Variants in NRXN1 observed in about 807,000 individuals in gnomAD.
NRXN1 encodes the protein neurexin-1.
Under a neutral mutation model 150.9 loss-of-function variants are expected in NRXN1, and 39 were observed. That is an observed-to-expected ratio of 0.26 (90% confidence interval 0.20 to 0.34). The LOEUF (loss-of-function observed/expected upper bound fraction) is 0.34. Ranked by LOEUF, NRXN1 falls within the 10% of genes least tolerant of loss-of-function variation. The pLI is 1.00. For missense variants in NRXN1, 1,815 were observed against 1,949.9 expected (o/e 0.93, Z 1.30); for synonymous variants, 924 against 757.0 (o/e 1.22, Z -3.62).
In NRXN1 at chr2:50,734,927, A is replaced by C. The variant is rs1698538606; in HGVS notation, c.833-111312T>G. On this transcript the variant is annotated intron_variant, in intron 5 of 22. Transcript: ENST00000401669. ...ACGAACAACAAGTAGTTGAAAGACCAGCCTTTTAATATGCACCAAGACCAA... is the reference window on the plus strand; with the variant it reads ...ACGAACAACAAGTAGTTGAAAGACCCGCCTTTTAATATGCACCAAGACCAA... 3.3e-5 allele frequency among the ~76,000 whole-genome samples: 5 copies of C among 152,204 alleles called. No homozygotes were observed. The South Asian group carries it at 1.0e-3, about 31-fold the overall frequency.
chr2:50,988,254 C>A lies in NRXN1; in HGVS notation c.772+39248G>T, dbSNP rs113344168. 1.8e-3 allele frequency among the ~76,000 whole-genome samples: 267 copies of A among 151,988 alleles called. 3 individuals carry two copies. The highest frequency in any genetic ancestry group is 6.2e-3 in the African/African-American group (259 of 41,540). On this transcript the variant is annotated intron_variant, in intron 2 of 22. Transcript: ENST00000401669. ...CCTGTGGCATAAACCAGATCATTTTCTTTTTAAGGTCTTAGTCATTATTTA... is the reference window on the plus strand; with the variant it reads ...CCTGTGGCATAAACCAGATCATTTTATTTTTAAGGTCTTAGTCATTATTTA...
At chr2:50,906,972 T>G (rs1436045094) in intron 5 of NRXN1, among the ~76,000 whole-genome samples, 1 of 151,866 alleles carries the variant, frequency 6.6e-6, no homozygotes, top group Admixed American at 6.6e-5. Context: ...CCTGCCCTCC[T>G]CTCTCACACC....
In NRXN1 at chr2:50,944,552, A is replaced by C. The variant is rs188161994; in HGVS notation, c.773-18597T>G. Among the ~76,000 whole-genome samples, 42 of 152,330 alleles carry C rather than the reference A, an allele frequency of 2.8e-4. 1 individual carries two copies. The highest frequency in any genetic ancestry group is 9.9e-4 in the African/African-American group (41 of 41,596). ...CATTTTGTATAAGAAAACAGGATAA[A>C]AATAACTTAAATGAAACCAAACTTT... On this transcript the variant is annotated intron_variant, in intron 2 of 22. Transcript: ENST00000401669.
At chr2:50,593,793 AG>A (rs936006543) in intron 8 of NRXN1, among the ~76,000 whole-genome samples, 11 of 152,222 alleles carry the variant, frequency 7.2e-5, no homozygotes, top group Non-Finnish European at 1.2e-4. Flanking sequence ...CAACATATCT[AG>A]GCTGTTAAAA....
chr2:50,431,714 T>C (rs1223194025), intron 17 of NRXN1, among the ~76,000 whole-genome samples: 7 of 152,206 alleles, frequency 4.6e-5, no homozygotes, highest in Admixed American at 1.3e-4. Flanking sequence ...GCTTTCACAC[T>C]ACAATCACAG....
intron 8 of NRXN1, chr2:50,589,260 C>A (rs1573674855): frequency 6.6e-6 from 1 of 152,290 alleles, no homozygotes; most frequent in South Asian, 2.1e-4. Flanking sequence ...TGAGATATGG[C>A]AGGGGGTTTA....
intron 18 of NRXN1, among the ~76,000 whole-genome samples, chr2:50,146,156 G>A: frequency 6.6e-6 from 1 of 151,714 alleles, no homozygotes; most frequent in African/African-American, 2.4e-5. Flanking sequence ...TAATTACCAT[G>A]ATTCATTCAA....
intron 21 of NRXN1, among the ~76,000 whole-genome samples, chr2:49,951,636 C>G (rs1455564406): frequency 6.6e-6 from 1 of 151,902 alleles, no homozygotes; most frequent in African/African-American, 2.4e-5. Context: ...TGGCCATTTC[C>G]AAATTAAATA....
chr2:50,453,600 G>A (rs550804366), intron 17 of NRXN1, among the ~76,000 whole-genome samples: 1 of 152,236 alleles, frequency 6.6e-6, no homozygotes, highest in Non-Finnish European at 1.5e-5. Context: ...TAAGTCTCTT[G>A]TTCTTGGTAC....
In NRXN1 at chr2:51,006,940, G is replaced by A. The variant is rs577681338; in HGVS notation, c.772+20562C>T. 8.6e-5 allele frequency among the ~76,000 whole-genome samples: 13 copies of A among 151,830 alleles called. No individual in the cohort carries two copies. In the South Asian group the frequency reaches 1.9e-3, roughly 22 times the overall value. ...TCATTACTGTTCATCACTCTGTATC[G>A]TGGCTGACCTTCTAAATGTCTATAT... On this transcript the variant is annotated intron_variant, in intron 2 of 22. Transcript: ENST00000401669.
intron 17 of NRXN1, among the ~76,000 whole-genome samples, chr2:50,401,983 G>A (rs1053105085): frequency 6.6e-6 from 1 of 152,084 alleles, no homozygotes; most frequent in Non-Finnish European, 1.5e-5. Flanking sequence ...AAAAATCCCA[G>A]TAGAGTGAAC....
At chr2:50,211,830 C>T (rs1442358030) in intron 18 of NRXN1, among the ~76,000 whole-genome samples, 1 of 137,334 alleles carries the variant, frequency 7.3e-6, no homozygotes, top group Non-Finnish European at 1.7e-5. Flanking sequence ...ATAATTTTGC[C>T]TCATCAAGAA....
intron 12 of NRXN1, among the ~76,000 whole-genome samples, chr2:50,516,773 C>T (rs2092643891): frequency 1.3e-5 from 2 of 151,608 alleles, no homozygotes; most frequent in South Asian, 4.2e-4. Flanking sequence ...TTTTAATAAG[C>T]AAAGAGATAG....
chr2:50,389,619 C>G (rs746306345), intron 17 of NRXN1, among the ~76,000 whole-genome samples: 3 of 151,952 alleles, frequency 2.0e-5, no homozygotes, highest in Non-Finnish European at 4.4e-5. Context: ...TTTCAGTTCC[C>G]AAACTACATT....
chr2:50,891,415 A>G (rs1681047531), intron 5 of NRXN1, among the ~76,000 whole-genome samples: 2 of 152,034 alleles, frequency 1.3e-5, no homozygotes, highest in Non-Finnish European at 2.9e-5. Context: ...TTTTCACTTT[A>G]TAGTAGACAT....
At chr2:50,683,026 C>A (rs1024396391) in intron 5 of NRXN1, among the ~76,000 whole-genome samples, 2 of 151,972 alleles carry the variant, frequency 1.3e-5, no homozygotes, top group African/African-American at 4.8e-5. Context: ...TGAGGGCCTA[C>A]AAAGTACAGT....
intron 12 of NRXN1, among the ~76,000 whole-genome samples, chr2:50,526,293 G>T (rs755545062): frequency 2.8e-4 from 43 of 152,236 alleles, no homozygotes; most frequent in Non-Finnish European, 5.1e-4. Flanking sequence ...TTTCTTAAAA[G>T]ATATCAATTG....
At chr2:50,026,631 T>A (rs769670730) in intron 21 of NRXN1, among the ~76,000 whole-genome samples, 82 of 152,176 alleles carry the variant, frequency 5.4e-4, no homozygotes, top group Middle Eastern at 3.4e-3. Flanking sequence ...TGAAAACCAT[T>A]AAAATTGCAT....
chr2:50,134,473 A>G (rs1224186403), intron 18 of NRXN1, among the ~76,000 whole-genome samples: 1 of 152,162 alleles, frequency 6.6e-6, no homozygotes, highest in East Asian at 1.9e-4. Context: ...AATGCAAACC[A>G]TTAACAAAGC....
Sources: allele counts gnomAD v4.1 joint callset (sites outside exome capture counted in the v4.1 genomes callset), GRCh38; gene constraint gnomAD v4.1.1; transcripts MANE v1.5; gene names NCBI Gene and HGNC (gene_info 2026-07-23, HGNC 2026-07-21).